Variants in MPLKIP observed in about 807,000 individuals in gnomAD.
The protein encoded by MPLKIP is M-phase specific PLK1 interacting protein.
MPLKIP carries 16 observed loss-of-function variants against 16.9 expected under a neutral mutation model. The ratio of observed to expected loss-of-function variants is 0.94; its 90% CI spans 0.64 to 1.43. MPLKIP has a LOEUF of 1.43. MPLKIP is among the 40% of genes most tolerant of loss of function. The probability of loss-of-function intolerance (pLI) is 0.00; values close to 1 mark genes in which losing one functional copy is unlikely to be tolerated. For synonymous variants in MPLKIP, 126 were observed against 98.4 expected (o/e 1.28, Z -1.66); for missense variants, 282 against 237.6 (o/e 1.19, Z -1.23).
chr7:40,126,798 C>T lies in MPLKIP; in HGVS notation c.*6261G>A, dbSNP rs892087069. 2.7e-5 allele frequency: 4 copies of T among 149,614 alleles called. No individual in the cohort carries two copies. Among genetic ancestry groups the T allele is most frequent in the African/African-American group, 7.3e-5 (3 of 40,832 alleles). The allele number at this position is 149,614 out of a possible 1,614,324, so 9.3% of individuals were successfully genotyped here. ...AGAGTTAACCCTAATTAAATAAAGC[C>T]GATTTTCTTTTTTTTTTTTTTATTT... On this transcript the variant is annotated 3_prime_UTR_variant, in exon 2 of 2. Transcript: ENST00000306984.
In MPLKIP at chr7:40,131,201, T is replaced by C. The variant is rs1787457910; in HGVS notation, c.*1858A>G. 1 of 151,578 alleles carries C rather than the reference T, an allele frequency of 6.6e-6. No homozygotes were observed. Among genetic ancestry groups the C allele is most frequent in the East Asian group, 1.9e-4 (1 of 5,202 alleles). 9.4% of individuals were successfully genotyped at this position (151,578 alleles called of 1,614,324 possible). A position where few individuals can be genotyped will look rare whatever the true frequency, so the allele number is the denominator to read the frequency against. Reference sequence around the variant, plus strand: ...AAAATCCTGGCTTTCATGGAGCTTTTATTAATCTAAAAGCCTTCCATTCTT... The same window carrying C: ...AAAATCCTGGCTTTCATGGAGCTTTCATTAATCTAAAAGCCTTCCATTCTT... On this transcript the variant is annotated 3_prime_UTR_variant, in exon 2 of 2. Coordinates refer to ENST00000306984, the MANE Select transcript of MPLKIP (RefSeq NM_138701.4).
Position 40,134,341 on chromosome 7 carries a change from C to A in MPLKIP, c.227G>T (p.Gly76Val). 1 of 1,552,674 alleles carries A rather than the reference C, an allele frequency of 6.4e-7. No individual in the cohort carries two copies. Among genetic ancestry groups the A allele is most frequent in the Non-Finnish European group, 8.7e-7 (1 of 1,148,924 alleles). ...GCCAGGGGACGGAGACCCGAACCGGCCCCCCGGGAAGCTGCCGCCGTGTCG... is the reference window on the plus strand; with the variant it reads ...GCCAGGGGACGGAGACCCGAACCGGACCCCCGGGAAGCTGCCGCCGTGTCG... ...SPRHGGSFPG[G>V]RFGSPSPGGY... The change falls in exon 1 of 2, where the codon GGC becomes GTC. Residue 76 changes from glycine to valine, a missense_variant. Coordinates refer to ENST00000306984, the MANE Select transcript of MPLKIP (RefSeq NM_138701.4).
Position 40,132,898 on chromosome 7 carries a change from C to G in MPLKIP, c.*161G>C. On this transcript the variant is annotated 3_prime_UTR_variant, in exon 2 of 2. Coordinates refer to ENST00000306984, the MANE Select transcript of MPLKIP (RefSeq NM_138701.4). ...ATGTTGCAAGTTATCCTACTTTTTT[C>G]TCTAATATCAACAATACCTGATACG... 1.5e-6 allele frequency: 1 copy of G among 676,212 alleles called. No homozygotes were observed. 41.9% of individuals were successfully genotyped at this position (676,212 alleles called of 1,614,324 possible).
Position 40,132,723 on chromosome 7 carries a change from T to C in MPLKIP, c.*336A>G. 1 of 346,216 alleles carries C rather than the reference T, an allele frequency of 2.9e-6. No homozygotes were observed. Among genetic ancestry groups the C allele is most frequent in the Non-Finnish European group, 5.5e-6 (1 of 181,376 alleles). 21.4% of individuals were successfully genotyped at this position (346,216 alleles called of 1,614,324 possible). A position where few individuals can be genotyped will look rare whatever the true frequency, so the allele number is the denominator to read the frequency against. The stretch of plus-strand genomic sequence containing the variant: ...CTGTAGTAAGTCTACTTCTTTATCA[T>C]ACCACAAAACCACAATAGCTAGAAG... On this transcript the variant is annotated 3_prime_UTR_variant, in exon 2 of 2. Coordinates refer to ENST00000306984, the MANE Select transcript of MPLKIP (RefSeq NM_138701.4).
Position 40,134,591 on chromosome 7 carries a change from T to C in MPLKIP, c.-24A>G. The C allele has an allele frequency of 6.4e-7, 1 of 1,560,356 alleles. No individual in the cohort carries two copies. The highest frequency in any genetic ancestry group is 1.2e-5 in the South Asian group (1 of 85,360). On this transcript the variant is annotated 5_prime_UTR_variant, in exon 1 of 2. Coordinates refer to ENST00000306984, the MANE Select transcript of MPLKIP (RefSeq NM_138701.4). Reference sequence around the variant, plus strand: ...ATATCAGGAGCCAAAGCCGAAAACCTCGCAGCCGCGTTCTCCCACCGGAAC... The same window carrying C: ...ATATCAGGAGCCAAAGCCGAAAACCCCGCAGCCGCGTTCTCCCACCGGAAC...
chr7:40,134,382 C>G lies in MPLKIP; in HGVS notation c.186G>C (p.Gly62=). The G allele has an allele frequency of 6.4e-7, 1 of 1,558,456 alleles. No homozygotes were observed. Among genetic ancestry groups the G allele is most frequent in the Non-Finnish European group, 8.7e-7 (1 of 1,152,546 alleles). The stretch of plus-strand genomic sequence containing the variant: ...CGCCGTGTCGCGGAGAGTGACTGCT[C>G]CCGTACGGCCTAGACCGGGGCCCGT... ...PPYGPRSRPY[G]SSHSPRHGGS... Residue 62 remains glycine, a synonymous_variant, in exon 1 of 2, where the codon GGG becomes GGC. Coordinates refer to ENST00000306984, the MANE Select transcript of MPLKIP (RefSeq NM_138701.4).
chr7:40,133,163 C>T lies in MPLKIP; in HGVS notation c.436G>A (p.Glu146Lys). ...LENYFKPSML[E>K]DPWAGLEPVS... Reference sequence around the variant, plus strand: ...GGTTCTAGGCCAGCCCAAGGATCTTCAAGCATTGAAGGCTTGAAATAATTT... The same window carrying T: ...GGTTCTAGGCCAGCCCAAGGATCTTTAAGCATTGAAGGCTTGAAATAATTT... The change falls in exon 2 of 2, where the codon GAA (glutamate) becomes AAA (lysine). Residue 146 changes from glutamate to lysine, a missense_variant. Coordinates refer to ENST00000306984, the MANE Select transcript of MPLKIP (RefSeq NM_138701.4). 1 of 1,614,004 alleles carries T rather than the reference C, an allele frequency of 6.2e-7. No individual in the cohort carries two copies. The highest frequency in any genetic ancestry group is 8.5e-7 in the Non-Finnish European group (1 of 1,179,966).
rs142770480 is a variant in MPLKIP at position 40,130,229 on chromosome 7, A to G, written c.*2830T>C. The G allele has an allele frequency of 1.0e-3, 157 of 152,358 alleles. No homozygotes were observed. Among genetic ancestry groups the G allele is most frequent in the African/African-American group, 3.5e-3 (146 of 41,592 alleles). The allele number at this position is 152,358 out of a possible 1,614,324, so 9.4% of individuals were successfully genotyped here. On this transcript the variant is annotated 3_prime_UTR_variant, in exon 2 of 2. Coordinates refer to ENST00000306984, the MANE Select transcript of MPLKIP (RefSeq NM_138701.4). ...TAATTGTAAGTTTTTCTAAAAAGTT[A>G]TTCAGCATTTTTATAGAGGTAAAAT...
chr7:40,133,373 A>C, intron 1 of MPLKIP, 114 bp from the exon 2 acceptor site: 1 of 896,034 alleles, frequency 1.1e-6, no homozygotes, highest in Non-Finnish European at 1.8e-6. Flanking sequence ...ACTTGAACCT[A>C]AATAATGTTC....
rs1184117788 is a variant in MPLKIP, at chr7:40,132,715, C to T, written c.*344G>A. 14 of 340,270 alleles carry T rather than the reference C, an allele frequency of 4.1e-5. No homozygotes were observed. The allele number at this position is 340,270 out of a possible 1,614,324, so 21.1% of individuals were successfully genotyped here. On this transcript the variant is annotated 3_prime_UTR_variant, in exon 2 of 2. Transcript: ENST00000306984. ...AAGCATTACTGTAGTAAGTCTACTT[C>T]TTTATCATACCACAAAACCACAATA... is the stretch of plus-strand genomic sequence containing the variant.
rs139274142 is a variant in MPLKIP, at chr7:40,134,071, G to A, written c.339+158C>T. 1.1e-3 allele frequency among the ~76,000 whole-genome samples: 160 copies of A among 152,228 alleles called. 1 individual carries two copies. Among genetic ancestry groups the A allele is most frequent in the African/African-American group, 3.6e-3 (151 of 41,534 alleles). Reference sequence around the variant, plus strand: ...CACTCTTTCGGATAATCTTCCGGAAGTCACTCAACTTCTCTAAGCCTCAGT... The same window carrying A: ...CACTCTTTCGGATAATCTTCCGGAAATCACTCAACTTCTCTAAGCCTCAGT... On this transcript the variant is annotated intron_variant, in intron 1 of 1. Coordinates refer to ENST00000306984, the MANE Select transcript of MPLKIP (RefSeq NM_138701.4).
In MPLKIP at chr7:40,130,603, C is replaced by G. The variant is rs139479777; in HGVS notation, c.*2456G>C. The G allele has an allele frequency of 3.9e-5, 6 of 152,306 alleles. No homozygotes were observed. In the East Asian group the frequency reaches 9.6e-4, roughly 24 times the overall value. 9.4% of individuals were successfully genotyped at this position (152,306 alleles called of 1,614,324 possible). ...GATATAAATACACTGGCACAAAATC[C>G]TAACTTCTGTTTTCGTCTTTACTAA... On this transcript the variant is annotated 3_prime_UTR_variant, in exon 2 of 2. Transcript: ENST00000306984.
At position 40,129,624 on chromosome 7, in the gene MPLKIP, A is replaced by G. The variant is rs1787436264; in HGVS notation, c.*3435T>C. On this transcript the variant is annotated 3_prime_UTR_variant, in exon 2 of 2. Coordinates refer to ENST00000306984, the MANE Select transcript of MPLKIP (RefSeq NM_138701.4). ...GATTAACTTCCATCATATTCTCTTA[A>G]TTATGGCAGTCAGAAGTTGGCTAAG... 1 of 151,242 alleles carries G rather than the reference A, an allele frequency of 6.6e-6. No homozygotes were observed. Among genetic ancestry groups the G allele is most frequent in the African/African-American group, 2.4e-5 (1 of 41,230 alleles). 9.4% of individuals were successfully genotyped at this position (151,242 alleles called of 1,614,324 possible).
In MPLKIP at chr7:40,130,053, C is replaced by G. The variant is rs1267267; in HGVS notation, c.*3006G>C. ...TAATAAAGGATTTACATGGGCACTG[C>G]GATCTGAATTTGCATTCCCTTAAAG... On this transcript the variant is annotated 3_prime_UTR_variant, in exon 2 of 2. Transcript: ENST00000306984. The G allele has an allele frequency of 0.88, 133,794 of 152,188 alleles. 59,150 individuals carry two copies. The highest frequency in any genetic ancestry group is 0.95 in the Middle Eastern group (279 of 294). 9.4% of individuals were successfully genotyped at this position (152,188 alleles called of 1,614,324 possible).
Position 40,134,606 on chromosome 7 carries a change from C to A in MPLKIP, c.-39G>T. On this transcript the variant is annotated 5_prime_UTR_variant, in exon 1 of 2. Coordinates refer to ENST00000306984, the MANE Select transcript of MPLKIP (RefSeq NM_138701.4). ...GCCGAAAACCTCGCAGCCGCGTTCTCCCACCGGAACTGTATCAACCGGCCC... is the reference window on the plus strand; with the variant it reads ...GCCGAAAACCTCGCAGCCGCGTTCTACCACCGGAACTGTATCAACCGGCCC... 1 of 1,543,786 alleles carries A rather than the reference C, an allele frequency of 6.5e-7. No individual in the cohort carries two copies. The highest frequency in any genetic ancestry group is 1.2e-5 in the South Asian group (1 of 84,334).
Position 40,132,972 on chromosome 7 carries a change from T to A in MPLKIP, c.*87A>T, listed in dbSNP as rs1254548157. The A allele has an allele frequency of 1.0e-5, 12 of 1,167,046 alleles. No individual in the cohort carries two copies. 72.3% of individuals were successfully genotyped at this position (1,167,046 alleles called of 1,614,324 possible). Reference sequence around the variant, plus strand: ...ACTAATTATCCAATCAAAGTCATCATCTTTGGGTAAATTTATATCAACACA... The same window carrying A: ...ACTAATTATCCAATCAAAGTCATCAACTTTGGGTAAATTTATATCAACACA... On this transcript the variant is annotated 3_prime_UTR_variant, in exon 2 of 2. Transcript: ENST00000306984.
rs1562780370 is a variant in MPLKIP at position 40,130,108 on chromosome 7, T to C, written c.*2951A>G. On this transcript the variant is annotated 3_prime_UTR_variant, in exon 2 of 2. Coordinates refer to ENST00000306984, the MANE Select transcript of MPLKIP (RefSeq NM_138701.4). ...TTATGCCTGCATATCCCTTAGAAAG[T>C]TTAATATTCCCAGGAGTATGTAGAC... 6.6e-6 allele frequency: 1 copy of C among 152,206 alleles called. No homozygotes were observed. Among genetic ancestry groups the C allele is most frequent in the Non-Finnish European group, 1.5e-5 (1 of 68,036 alleles). The allele number at this position is 152,206 out of a possible 1,614,324, so 9.4% of individuals were successfully genotyped here.
chr7:40,134,289 G>T lies in MPLKIP; in HGVS notation c.279C>A (p.Ser93=). 6.4e-7 allele frequency: 1 copy of T among 1,560,052 alleles called. No homozygotes were observed. Among genetic ancestry groups the T allele is most frequent in the Non-Finnish European group, 8.7e-7 (1 of 1,152,022 alleles). Residue 93 remains serine, a synonymous_variant, in exon 1 of 2, where the codon TCC becomes TCA. Transcript: ENST00000306984. ...CGAATTGCTGCTGGGACCCCGCGGG[G>T]GACCTGGAGTAGGAGCCAGGGTAGC... is the stretch of plus-strand genomic sequence containing the variant. ...PGGYPGSYSR[S]PAGSQQQFGY... is the part of the protein sequence containing the mutation.
At position 40,132,012 on chromosome 7, in the gene MPLKIP, A is replaced by C. The variant is rs577484918; in HGVS notation, c.*1047T>G. The C allele has an allele frequency of 6.6e-6, 1 of 152,134 alleles. No homozygotes were observed. Among genetic ancestry groups the C allele is most frequent in the Non-Finnish European group, 1.5e-5 (1 of 68,036 alleles). The allele number at this position is 152,134 out of a possible 1,614,324, so 9.4% of individuals were successfully genotyped here. On this transcript the variant is annotated 3_prime_UTR_variant, in exon 2 of 2. Transcript: ENST00000306984. ...TTGGGCAACAGACTCCATCTCAAAA[A>C]ACAAACAAAAAACCACTTGATTTTT...
Sources: allele counts gnomAD v4.1 joint callset (sites outside exome capture counted in the v4.1 genomes callset), GRCh38; gene constraint gnomAD v4.1.1; transcripts MANE v1.5; gene names NCBI Gene and HGNC (gene_info 2026-07-23, HGNC 2026-07-21).